Variants in HHLA2 observed in about 807,000 individuals in gnomAD.
The protein encoded by HHLA2 is HERV-H LTR-associating protein 2.
Under a neutral mutation model 45.9 loss-of-function variants are expected in HHLA2, and 48 were observed. The ratio of observed to expected loss-of-function variants is 1.05; its 90% CI spans 0.83 to 1.33. The LOEUF is 1.33. HHLA2 is among the 40% of genes most tolerant of loss of function. The pLI is 0.00. For missense variants in HHLA2, 462 were observed against 494.3 expected (o/e 0.93, Z 0.62); for synonymous variants, 161 against 173.9 (o/e 0.93, Z 0.59).
intron 8 of HHLA2, among the ~76,000 whole-genome samples, chr3:108,367,280 A>C (rs1354060084): frequency 1.3e-5 from 2 of 152,204 alleles, no homozygotes; most frequent in African/African-American, 4.8e-5. Flanking sequence ...AAAATTTAAA[A>C]AACCAGAATG....
chr3:108,365,297 G>A lies in HHLA2; in HGVS notation c.1108+2851G>A, dbSNP rs554176920. On this transcript the variant is annotated intron_variant, in intron 8 of 10. Transcript: ENST00000619531. ...GTTTTTGTCAGGTTTGTCAAAGATC[G>A]AATGGTTGTAGATGTGTGGTGTTAT... Among the ~76,000 whole-genome samples the A allele has an allele frequency of 6.6e-3, 1,010 of 152,078 alleles. 6 individuals are homozygous for A. Among genetic ancestry groups the A allele is most frequent in the African/African-American group, 0.022 (911 of 41,492 alleles).
At chr3:108,369,615 A>G (rs1342303944) in intron 8 of HHLA2, among the ~76,000 whole-genome samples, 4 of 152,188 alleles carry the variant, frequency 2.6e-5, no homozygotes, top group Non-Finnish European at 5.9e-5. Context: ...CTCCCACCCT[A>G]ATACTGCGCT....
intron 1 of HHLA2, among the ~76,000 whole-genome samples, chr3:108,299,518 A>G (rs1007434370): frequency 1.3e-5 from 2 of 152,058 alleles, no homozygotes; most frequent in Non-Finnish European, 2.9e-5. Context: ...CCGTCAGAGT[A>G]GTATGTTCTG....
intron 3 of HHLA2, among the ~76,000 whole-genome samples, chr3:108,332,450 T>C (rs901254835): frequency 6.6e-6 from 1 of 152,196 alleles, no homozygotes; most frequent in African/African-American, 2.4e-5. Context: ...TTCCCTGTCA[T>C]TGGACATTTA....
At chr3:108,331,694 G>A (rs1055210252) in intron 3 of HHLA2, among the ~76,000 whole-genome samples, 6 of 152,154 alleles carry the variant, frequency 3.9e-5, no homozygotes, top group Non-Finnish European at 8.8e-5. Flanking sequence ...CCCAGTGAAT[G>A]ACAAGCACAC....
chr3:108,313,001 G>T (rs2081046074), intron 2 of HHLA2, among the ~76,000 whole-genome samples: 1 of 152,106 alleles, frequency 6.6e-6, no homozygotes, highest in Admixed American at 6.5e-5. Flanking sequence ...TCAACATTTT[G>T]AAATTAAGGA....
intron 3 of HHLA2, among the ~76,000 whole-genome samples, chr3:108,329,680 A>G (rs2081350798): frequency 6.6e-6 from 1 of 152,130 alleles, no homozygotes; most frequent in Non-Finnish European, 1.5e-5. Context: ...ATCTTGCATC[A>G]TCAACCACTC....
chr3:108,316,590 G>C (rs1474696414), intron 2 of HHLA2, among the ~76,000 whole-genome samples: 1 of 152,086 alleles, frequency 6.6e-6, no homozygotes, highest in Non-Finnish European at 1.5e-5. Context: ...GGTGTACCTT[G>C]GAAGAGAAGG....
intron 1 of HHLA2, among the ~76,000 whole-genome samples, chr3:108,299,122 C>G (rs1475135270): frequency 6.6e-6 from 1 of 152,056 alleles, no homozygotes; most frequent in East Asian, 1.9e-4. Flanking sequence ...ACTACAATAT[C>G]CTGTCAATTA....
intron 8 of HHLA2, among the ~76,000 whole-genome samples, chr3:108,368,962 G>A (rs888951337): frequency 2.6e-5 from 4 of 151,954 alleles, no homozygotes; most frequent in African/African-American, 4.8e-5. Flanking sequence ...TTCTAAAATC[G>A]ACCACATAAT....
intron 2 of HHLA2, chr3:108,311,644 G>T (rs538408491): frequency 2.8e-4 from 42 of 152,184 alleles, no homozygotes; most frequent in Admixed American, 2.4e-3. Flanking sequence ...TTTCAAGGTT[G>T]GTCTTTTCCA....
intron 8 of HHLA2, 50 bp downstream of exon 7, chr3:108,362,496 TAAAGATAA>T: frequency 8.5e-7 from 1 of 1,180,798 alleles, no homozygotes; most frequent in Non-Finnish European, 1.2e-6. Context: ...TCACGTATAT[TAAAGATAA>T]CATGGAAATA....
At chr3:108,365,220 G>T (rs773891626) in intron 8 of HHLA2, among the ~76,000 whole-genome samples, 2 of 152,192 alleles carry the variant, frequency 1.3e-5, no homozygotes, top group Non-Finnish European at 2.9e-5. Flanking sequence ...CATATGGCTA[G>T]CAAGTTTGCC....
chr3:108,375,224 C>T (rs1331950437), intron 8 of HHLA2, among the ~76,000 whole-genome samples: 1 of 150,740 alleles, frequency 6.6e-6, no homozygotes, highest in Admixed American at 6.7e-5. Flanking sequence ...GTAACTATCG[C>T]AAGGACAAAA....
chr3:108,324,952 G>T (rs2081263183), intron 2 of HHLA2, among the ~76,000 whole-genome samples: 1 of 151,860 alleles, frequency 6.6e-6, no homozygotes, highest in South Asian at 2.1e-4. Flanking sequence ...TACATTAATT[G>T]GTATTTTATA....
intron 2 of HHLA2, among the ~76,000 whole-genome samples, chr3:108,325,221 A>G (rs532500177): frequency 2.0e-5 from 3 of 152,284 alleles, no homozygotes; most frequent in Non-Finnish European, 4.4e-5. Context: ...AATAAACAGC[A>G]TGGGTGCAAA....
At chr3:108,350,498 T>C (rs1049831600) in intron 3 of HHLA2, among the ~76,000 whole-genome samples, 1 of 152,196 alleles carries the variant, frequency 6.6e-6, no homozygotes, top group Non-Finnish European at 1.5e-5. Flanking sequence ...CTAATTTTAC[T>C]TTTTTAAAAA....
chr3:108,362,122 T>C (rs1176221264), intron 7 of HHLA2, among the ~76,000 whole-genome samples: 1 of 152,206 alleles, frequency 6.6e-6, no homozygotes, highest in Admixed American at 6.5e-5. Flanking sequence ...ATATTTATGC[T>C]CAAGACAAAC....
At chr3:108,342,545 A>G (rs2081592347) in intron 3 of HHLA2, among the ~76,000 whole-genome samples, 1 of 152,098 alleles carries the variant, frequency 6.6e-6, no homozygotes, top group African/African-American at 2.4e-5. Context: ...GATTACAGGC[A>G]TGAGCCACTG....
Sources: gnomAD v4.1 joint callset for allele counts (sites outside exome capture counted in the v4.1 genomes callset) on GRCh38, gnomAD v4.1.1 for gene constraint, MANE v1.5 for transcripts, NCBI Gene and HGNC (gene_info 2026-07-23, HGNC 2026-07-21) for gene names.